Variants in DPP6 observed in about 807,000 individuals in gnomAD.
DPP6 encodes the protein A-type potassium channel modulatory protein DPP6.
In DPP6, 69 loss-of-function variants were observed where a neutral mutation model predicts 122.6. The observed-to-expected ratio is 0.56, with a 90% confidence interval of 0.46 to 0.69. The LOEUF (loss-of-function observed/expected upper bound fraction) is 0.69, where lower values mean the gene tolerates loss of function less well. DPP6 is among the 30% of genes least tolerant of loss of function. DPP6 has a pLI of 0.00. For synonymous variants in DPP6, 418 were observed against 433.1 expected (o/e 0.97, Z 0.43); for missense variants, 928 against 1,116.9 (o/e 0.83, Z 2.41).
chr7:154,581,082 A>G (rs1249863703), intron 5 of DPP6, among the ~76,000 whole-genome samples: 1 of 152,092 alleles, frequency 6.6e-6, no homozygotes, highest in Non-Finnish European at 1.5e-5. Context: ...TTAAGTATAT[A>G]AGAGCCCAGG....
intron 1 of DPP6, among the ~76,000 whole-genome samples, chr7:154,255,679 A>G (rs1157449506): frequency 6.6e-6 from 1 of 152,178 alleles, no homozygotes; most frequent in Non-Finnish European, 1.5e-5. Context: ...TGACTAGTAC[A>G]TGGTCGGTCA....
chr7:153,794,023 TTTG>T, the DPP6 span, among the ~76,000 whole-genome samples: 1 of 152,174 alleles, frequency 6.6e-6, no homozygotes, highest in Non-Finnish European at 1.5e-5. Context: ...CAGACAGAAG[TTTG>T]CTGCAGGAGC....
intron 1 of DPP6, among the ~76,000 whole-genome samples, chr7:153,887,902 A>C (rs1799007779): frequency 6.8e-6 from 1 of 147,906 alleles, no homozygotes; most frequent in African/African-American, 2.5e-5. Context: ...ACCCAGCGGC[A>C]GGGGGATGCG....
intron 1 of DPP6, among the ~76,000 whole-genome samples, chr7:154,390,839 G>C (rs895692928): frequency 1.3e-5 from 2 of 152,054 alleles, no homozygotes. Context: ...AGACCCTCCC[G>C]ACTACTCCTG....
At chr7:154,288,958 A>G (rs1383449857) in intron 1 of DPP6, among the ~76,000 whole-genome samples, 7 of 152,342 alleles carry the variant, frequency 4.6e-5, no homozygotes, top group Admixed American at 1.3e-4. Flanking sequence ...GAGATTGACT[A>G]ACTATTGTCT....
intron 1 of DPP6, among the ~76,000 whole-genome samples, chr7:154,332,903 A>C (rs1809078556): frequency 6.6e-6 from 1 of 152,126 alleles, no homozygotes; most frequent in South Asian, 2.1e-4. Context: ...GAAAGAGTAG[A>C]AAGTTCTTGC....
At chr7:154,830,246 A>G (rs537323444) in intron 16 of DPP6, among the ~76,000 whole-genome samples, 1 of 151,736 alleles carries the variant, frequency 6.6e-6, no homozygotes, top group Non-Finnish European at 1.5e-5. Context: ...CCTCCTTTCC[A>G]TCTGGCTTCC....
the DPP6 span, among the ~76,000 whole-genome samples, chr7:153,881,690 C>T: frequency 6.6e-6 from 1 of 152,136 alleles, no homozygotes; most frequent in Non-Finnish European, 1.5e-5. Context: ...TGCTGGTCTC[C>T]ACATGTCCTT....
chr7:154,413,140 G>A (rs1290436266), intron 1 of DPP6, among the ~76,000 whole-genome samples: 1 of 152,146 alleles, frequency 6.6e-6, no homozygotes. Flanking sequence ...CCCTAAAGTG[G>A]TCCTCGGTAT....
chr7:154,047,360 C>T (rs1241580983), intron 1 of DPP6, among the ~76,000 whole-genome samples: 2 of 149,008 alleles, frequency 1.3e-5, no homozygotes, highest in African/African-American at 2.6e-5. Context: ...ACTTAATTCA[C>T]CTGACCCTAA....
At chr7:154,575,555 T>G (rs1341047203) in intron 5 of DPP6, among the ~76,000 whole-genome samples, 65,392 of 129,782 alleles carry the variant, frequency 0.5, 16,980 homozygotes, top group East Asian at 0.94. Flanking sequence ...TGTGGTGTGT[T>G]TATTTGTGTG....
At chr7:154,341,829 G>A (rs181038797) in intron 1 of DPP6, among the ~76,000 whole-genome samples, 5 of 151,842 alleles carry the variant, frequency 3.3e-5, no homozygotes, top group Admixed American at 2.0e-4. Flanking sequence ...CTATAATGAC[G>A]CAAGAAGAAT....
intron 5 of DPP6, among the ~76,000 whole-genome samples, chr7:154,636,873 A>G (rs952679742): frequency 6.6e-6 from 1 of 152,162 alleles, no homozygotes; most frequent in East Asian, 1.9e-4. Flanking sequence ...TCCCTCACCT[A>G]TTATCTTTAG....
chr7:154,064,180 G>C (rs565735054), intron 1 of DPP6, among the ~76,000 whole-genome samples: 1 of 152,084 alleles, frequency 6.6e-6, no homozygotes, highest in Non-Finnish European at 1.5e-5. Flanking sequence ...CCCGCTCCCC[G>C]TTCAGGCTGA....
the DPP6 span, among the ~76,000 whole-genome samples, chr7:153,764,869 T>A: frequency 6.6e-6 from 1 of 152,140 alleles, no homozygotes; most frequent in Non-Finnish European, 1.5e-5. Flanking sequence ...TCTCTTCACA[T>A]GGGGCTGCCT....
chr7:154,699,907 C>T (rs973369217), intron 7 of DPP6, among the ~76,000 whole-genome samples: 1 of 152,182 alleles, frequency 6.6e-6, no homozygotes, highest in Admixed American at 6.5e-5. Context: ...AGAGTGTGGG[C>T]TCTGGAGTCG....
At chr7:154,058,660 C>T (rs1412745345) in intron 1 of DPP6, 2 of 150,148 alleles carry the variant, frequency 1.3e-5, no homozygotes, top group African/African-American at 5.0e-5. Flanking sequence ...TTAGGACCCA[C>T]CTGGAGGACT....
intron 2 of DPP6, among the ~76,000 whole-genome samples, chr7:154,472,702 A>C (rs569514293): frequency 1.3e-5 from 2 of 152,174 alleles, no homozygotes; most frequent in Non-Finnish European, 2.9e-5. Context: ...AAACCAATGA[A>C]TTAGATATCA....
chr7:154,361,271 T>G lies in DPP6; in HGVS notation c.244-84943T>G, dbSNP rs550471972. 2.0e-5 allele frequency among the ~76,000 whole-genome samples: 3 copies of G among 152,282 alleles called. No homozygotes were observed. In the East Asian group the frequency reaches 5.8e-4, roughly 29 times the overall value. ...GTGACAATAACAAGCAGAAGCTGAC[T>G]AACAGCACACTGCCCACCATCTGCT... On this transcript the variant is annotated intron_variant, in intron 1 of 25. Coordinates refer to ENST00000377770, the MANE Select transcript of DPP6 (RefSeq NM_130797.4).
Sources: gnomAD v4.1 joint callset for allele counts (sites outside exome capture counted in the v4.1 genomes callset) on GRCh38, gnomAD v4.1.1 for gene constraint, MANE v1.5 for transcripts, NCBI Gene and HGNC (gene_info 2026-07-23, HGNC 2026-07-21) for gene names.